Variants in GABPB2 observed in about 807,000 individuals in gnomAD.
GABPB2 encodes the protein GA-binding protein subunit beta-2.
A neutral mutation model predicts 39.1 loss-of-function variants in GABPB2; 23 were observed. That is an observed-to-expected ratio of 0.59 (90% confidence interval 0.42 to 0.83). The LOEUF is 0.83. Among genes scored for constraint, GABPB2 ranks in the 40% least tolerant of loss-of-function variants. GABPB2 has a pLI of 0.00. For synonymous variants in GABPB2, 184 were observed against 199.3 expected (o/e 0.92, Z 0.65); for missense variants, 467 against 541.1 (o/e 0.86, Z 1.36).
chr1:151,102,846 G>T (rs587681111), intron 5 of GABPB2, among the ~76,000 whole-genome samples: 3 of 152,132 alleles, frequency 2.0e-5, no homozygotes, highest in South Asian at 2.1e-4. Context: ...AAGCCCAGAA[G>T]GGGACTATTC....
At position 151,104,840 on chromosome 1, in the gene GABPB2, C is replaced by T. The variant is rs12037386; in HGVS notation, c.736+1165C>T. On this transcript the variant is annotated intron_variant, in intron 6 of 8. Transcript: ENST00000368918. Reference sequence around the variant, plus strand: ...CTTTCTTTCTTTCTTTCTCTTCTCTCTCTTTCTTTCTTTCTTTCTCCTTCC... The same window carrying T: ...CTTTCTTTCTTTCTTTCTCTTCTCTTTCTTTCTTTCTTTCTTTCTCCTTCC... Among the ~76,000 whole-genome samples, 31 of 99,060 alleles carry T rather than the reference C, an allele frequency of 3.1e-4. 1 individual carries two copies. The South Asian group carries it at 8.8e-3, about 28-fold the overall frequency. 65.0% of individuals were successfully genotyped at this position (99,060 alleles called of 152,430 possible).
At chr1:151,077,492 G>A (rs996160190) in intron 1 of GABPB2, among the ~76,000 whole-genome samples, 1 of 151,758 alleles carries the variant, frequency 6.6e-6, no homozygotes, top group Non-Finnish European at 1.5e-5. Flanking sequence ...GAGTAGCTGG[G>A]ACTACAGGCA....
chr1:151,101,958 C>T (rs1159925427), intron 5 of GABPB2, among the ~76,000 whole-genome samples: 1 of 152,176 alleles, frequency 6.6e-6, no homozygotes, highest in Non-Finnish European at 1.5e-5. Flanking sequence ...GTGCGCTTCC[C>T]TCTTACAACT....
At chr1:151,111,038 GGGA>G (rs1447314725) in intron 7 of GABPB2, among the ~76,000 whole-genome samples, 1 of 152,022 alleles carries the variant, frequency 6.6e-6, no homozygotes, top group Non-Finnish European at 1.5e-5. Flanking sequence ...CCAGCACTTT[GGGA>G]GGCTGAGGCG....
intron 8 of GABPB2, 107 bp downstream of exon 8, chr1:151,117,623 G>C: frequency 8.0e-7 from 1 of 1,246,106 alleles, no homozygotes; most frequent in Non-Finnish European, 1.1e-6. Flanking sequence ...TTGCTGTGTT[G>C]CCCAGGCTGG....
rs587666292 is a variant in GABPB2, at chr1:151,124,693, T to C, written c.*6437T>C. 1.1e-3 allele frequency: 174 copies of C among 152,288 alleles called. 2 individuals carry two copies. The highest frequency in any genetic ancestry group is 3.8e-3 in the African/African-American group (158 of 41,542). The allele number at this position is 152,288 out of a possible 1,614,324, so 9.4% of individuals were successfully genotyped here. On this transcript the variant is annotated 3_prime_UTR_variant, in exon 9 of 9. Coordinates refer to ENST00000368918, the MANE Select transcript of GABPB2 (RefSeq NM_144618.3). ...AGAAAAGGAACTTCAGAATGGACTA[T>C]ATGTGATGACCACCTGTATGCACTC...
At position 151,091,529 on chromosome 1, in the gene GABPB2, C is replaced by T. The variant is rs187543195; in HGVS notation, c.276+956C>T. On this transcript the variant is annotated intron_variant, in intron 3 of 8. Transcript: ENST00000368918. ...TCGCACTATCGCCCAGGCTCGAGTG[C>T]GGTGGCACAATCTTGGCTCATTGTA... Among the ~76,000 whole-genome samples, 302 of 135,752 alleles carry T rather than the reference C, an allele frequency of 2.2e-3. 1 individual carries two copies. The highest frequency in any genetic ancestry group is 0.012 in the South Asian group (48 of 3,892). The allele number at this position is 135,752 out of a possible 152,430, so 89.1% of individuals were successfully genotyped here.
rs1208422353 is a variant in GABPB2 at position 151,120,742 on chromosome 1, G to C, written c.*2486G>C. On this transcript the variant is annotated 3_prime_UTR_variant, in exon 9 of 9. Transcript: ENST00000368918. ...TTTCCAAACATTTATGTAATGTCAA[G>C]CTCAGTCTCTCTTTTTTTTTTTTTT... 1 of 149,906 alleles carries C rather than the reference G, an allele frequency of 6.7e-6. No individual in the cohort carries two copies. The highest frequency in any genetic ancestry group is 1.5e-5 in the Non-Finnish European group (1 of 67,760). The allele number at this position is 149,906 out of a possible 1,614,324, so 9.3% of individuals were successfully genotyped here. A position where few individuals can be genotyped will look rare whatever the true frequency, so the allele number is the denominator to read the frequency against.
intron 1 of GABPB2, among the ~76,000 whole-genome samples, chr1:151,072,205 T>G (rs946211001): frequency 2.0e-5 from 3 of 152,226 alleles, no homozygotes; most frequent in African/African-American, 7.2e-5. Flanking sequence ...TAGAGTACTT[T>G]GTTGTCAAGA....
At chr1:151,077,794 TAC>T (rs1309587995) in intron 1 of GABPB2, among the ~76,000 whole-genome samples, 1 of 148,800 alleles carries the variant, frequency 6.7e-6, no homozygotes, top group Non-Finnish European at 1.5e-5. Context: ...CTACTAAAAA[TAC>T]AAAAATTAGC....
At chr1:151,092,692 G>T (rs1678818408) in intron 3 of GABPB2, among the ~76,000 whole-genome samples, 1 of 151,316 alleles carries the variant, frequency 6.6e-6, no homozygotes, top group South Asian at 2.1e-4. Flanking sequence ...TCCTACCTCA[G>T]CCTCCCCTTT....
chr1:151,107,116 C>A lies in GABPB2; in HGVS notation c.816C>A (p.Val272=). Residue 272 remains valine, a synonymous_variant, in exon 7 of 9, where the codon GTC becomes GTA. Coordinates refer to ENST00000368918, the MANE Select transcript of GABPB2 (RefSeq NM_144618.3). ...QQVMGSGGQR[V]ITIVTDGVPL... ...TAATGGGGAGTGGAGGCCAGAGGGT[C>A]ATCACCATAGTGACTGATGGAGTCC... is the stretch of plus-strand genomic sequence containing the variant. 1 of 1,613,156 alleles carries A rather than the reference C, an allele frequency of 6.2e-7. No homozygotes were observed. Among genetic ancestry groups the A allele is most frequent in the Admixed American group, 1.7e-5 (1 of 59,916 alleles).
At chr1:151,071,644 A>G (rs1040342989) in intron 1 of GABPB2, among the ~76,000 whole-genome samples, 1 of 151,738 alleles carries the variant, frequency 6.6e-6, no homozygotes, top group East Asian at 1.9e-4. Context: ...TAATTTTTGT[A>G]TATTTTTAAT....
chr1:151,103,569 C>T lies in GABPB2; in HGVS notation c.630C>T (p.Pro210=). The change falls in exon 6 of 9, where the codon CCC becomes CCT. Residue 210 remains proline (P), a synonymous_variant. Transcript: ENST00000368918. ...STNTKTTSGD[P]HASTVQFSNS... ...TCTTTCTTACTGAAATAGGTGACCC[C>T]CATGCCTCAACAGTACAGTTTTCAA... 6.2e-7 allele frequency: 1 copy of T among 1,612,184 alleles called. No homozygotes were observed. Among genetic ancestry groups the T allele is most frequent in the African/African-American group, 1.3e-5 (1 of 74,986 alleles).
intron 3 of GABPB2, among the ~76,000 whole-genome samples, chr1:151,092,209 C>T (rs1307217914): frequency 1.4e-5 from 2 of 147,310 alleles, no homozygotes; most frequent in South Asian, 2.1e-4. Flanking sequence ...CAGGTTCAAG[C>T]GATTCTCCTG....
intron 7 of GABPB2, among the ~76,000 whole-genome samples, chr1:151,114,216 C>A (rs750931521): frequency 6.6e-6 from 1 of 151,752 alleles, no homozygotes; most frequent in African/African-American, 2.4e-5. Flanking sequence ...ATTAGCCAGG[C>A]GTGCTTTTGT....
At chr1:151,092,695 T>C (rs1038915125) in intron 3 of GABPB2, among the ~76,000 whole-genome samples, 2 of 151,558 alleles carry the variant, frequency 1.3e-5, no homozygotes, top group African/African-American at 2.4e-5. Context: ...TACCTCAGCC[T>C]CCCCTTTAGC....
At chr1:151,083,068 T>C (rs749116703) in intron 1 of GABPB2, among the ~76,000 whole-genome samples, 1 of 152,190 alleles carries the variant, frequency 6.6e-6, no homozygotes, top group African/African-American at 2.4e-5. Context: ...TAAAACCCAT[T>C]GATCTTTCAC....
chr1:151,076,373 C>G (rs587599195), intron 1 of GABPB2, among the ~76,000 whole-genome samples: 10 of 152,204 alleles, frequency 6.6e-5, no homozygotes, highest in South Asian at 4.1e-4. Context: ...CAGGAATAAG[C>G]AGAGTTAATC....
Sources: gnomAD v4.1 joint callset for allele counts (sites outside exome capture counted in the v4.1 genomes callset) on GRCh38, gnomAD v4.1.1 for gene constraint, MANE v1.5 for transcripts, NCBI Gene and HGNC (gene_info 2026-07-23, HGNC 2026-07-21) for gene names.